Variants in HTT observed in about 807,000 individuals in gnomAD.
HTT encodes the protein huntingtin.
HTT carries 104 observed loss-of-function variants against 362.3 expected under a neutral mutation model. That is an observed-to-expected ratio of 0.29 (90% CI 0.24 to 0.34). HTT has a LOEUF of 0.34. Ranked by LOEUF, HTT falls within the 10% of genes least tolerant of loss-of-function variation. The pLI, the probability that HTT is intolerant of heterozygous loss-of-function variation, is 1.00. For missense variants in HTT, 3,301 were observed against 3,928.6 expected (o/e 0.84, Z 4.27); for synonymous variants, 1,577 against 1,548.7 (o/e 1.02, Z -0.43).
At position 3,243,534 on chromosome 4, in the gene HTT, A is replaced by G. The variant is rs1432500758; in HGVS notation, c.*3475A>G. Reference sequence around the variant, plus strand: ...GAGCTGCTCAGAATGCCGCATGACAACTGAAGGCAACCTGGAAGGTTCAGG... The same window carrying G: ...GAGCTGCTCAGAATGCCGCATGACAGCTGAAGGCAACCTGGAAGGTTCAGG... On this transcript the variant is annotated 3_prime_UTR_variant, in exon 67 of 67. Transcript: ENST00000355072. The G allele has an allele frequency of 1.3e-5, 2 of 152,280 alleles. No individual in the cohort carries two copies. Among genetic ancestry groups the G allele is most frequent in the Non-Finnish European group, 2.9e-5 (2 of 68,080 alleles). 9.4% of individuals were successfully genotyped at this position (152,280 alleles called of 1,614,324 possible). A position where few individuals can be genotyped will look rare whatever the true frequency, so the allele number is the denominator to read the frequency against.
chr4:3,123,125 G>A (rs1426289362), intron 10 of HTT, 189 bp downstream of exon 10: 9 of 415,914 alleles, frequency 2.2e-5, no homozygotes, highest in Non-Finnish European at 3.8e-5. Flanking sequence ...TTGTAGGGTG[G>A]CTTTTAAAAA....
intron 44 of HTT, 135 bp from the exon 45 acceptor site, chr4:3,207,146 C>A: frequency 9.7e-7 from 1 of 1,034,306 alleles, no homozygotes; most frequent in Non-Finnish European, 1.4e-6. Context: ...TCCGATCTGA[C>A]TGTTTCTTGT....
intron 6 of HTT, among the ~76,000 whole-genome samples, 184 bp from the exon 7 acceptor site, chr4:3,115,120 A>G (rs1419036): frequency 0.076 from 11,505 of 152,208 alleles, 869 homozygotes; most frequent in African/African-American, 0.19. Context: ...TAGACTACAC[A>G]TGTCTGTAAA....
In HTT at chr4:3,206,429, T is replaced by C; in HGVS notation, c.5719-67T>C. ...TCCTTCTTACCCTTTCTGGCCTTTC[T>C]ATGGCATTAATACCTGGTCTCTTCT... On this transcript the variant is annotated intron_variant, in intron 42 of 66. Transcript: ENST00000355072. The surrounding 1 kb of genome is among the most constrained non-coding windows in gnomAD (Gnocchi z 4.6). The C allele has an allele frequency of 7.8e-7, 1 of 1,274,658 alleles. No homozygotes were observed. Among genetic ancestry groups the C allele is most frequent in the Non-Finnish European group, 1.1e-6 (1 of 879,656 alleles). The allele number at this position is 1,274,658 out of a possible 1,614,324, so 79.0% of individuals were successfully genotyped here. A position where few individuals can be genotyped will look rare whatever the true frequency, so the allele number is the denominator to read the frequency against.
In HTT at chr4:3,218,780, A is replaced by G. The variant is rs138405263; in HGVS notation, c.7242+828A>G. Among the ~76,000 whole-genome samples, 209 of 152,294 alleles carry G rather than the reference A, an allele frequency of 1.4e-3. No homozygotes were observed. Among genetic ancestry groups the G allele is most frequent in the Non-Finnish European group, 2.5e-3 (167 of 68,016 alleles). On this transcript the variant is annotated intron_variant, in intron 52 of 66. Transcript: ENST00000355072. The surrounding 1 kb of genome is among the most constrained non-coding windows in gnomAD (Gnocchi z 4.4). ...TCTCCCACCAGCCCGCTGAAATAAG[A>G]TGATGGGGCCTGTTCCTTAGGGCCT...
intron 40 of HTT, among the ~76,000 whole-genome samples, chr4:3,189,415 G>A (rs568193514): frequency 6.6e-6 from 1 of 152,288 alleles, no homozygotes; most frequent in Admixed American, 6.5e-5. Flanking sequence ...AAAATCTGGT[G>A]TATATTTACA....
At chr4:3,111,923 A>G (rs183464302) in intron 6 of HTT, among the ~76,000 whole-genome samples, 227 of 152,300 alleles carry the variant, frequency 1.5e-3, no homozygotes, top group Middle Eastern at 3.4e-3. Context: ...TGTGGCTTCA[A>G]TAAGCTTGCT....
In HTT at chr4:3,132,851, G is replaced by A. The variant is rs760979498; in HGVS notation, c.2433G>A (p.Leu811=). ...CTTTGGCGGATTGCATTCCTTTGCT[G>A]CGGAAAACACTGAAGGATGAGTCTT... ...TFSLADCIPL[L]RKTLKDESSV... Residue 811 remains leucine (L), a synonymous_variant, in exon 18 of 67, where the codon CTG becomes CTA. Coordinates refer to ENST00000355072, the MANE Select transcript of HTT (RefSeq NM_001388492.1). 6.2e-7 allele frequency: 1 copy of A among 1,614,164 alleles called. No individual in the cohort carries two copies. Among genetic ancestry groups the A allele is most frequent in the Non-Finnish European group, 8.5e-7 (1 of 1,179,986 alleles).
rs755338707 is a variant in HTT at position 3,180,631 on chromosome 4, A to G, written c.4729A>G (p.Arg1577Gly). Residue 1577 changes from arginine (R) to glycine (G), a missense_variant, in exon 36 of 67, where the codon AGA (arginine) becomes GGA (glycine). Coordinates refer to ENST00000355072, the MANE Select transcript of HTT (RefSeq NM_001388492.1). ...AGAGGTGGTGGTGTCAATGTTACTG[A>G]GACTCATCCAGTACCATCAGGTAAG... ...QKEVVVSMLLRLIQYHQVLEM... is the reference protein window; with the variant it reads ...QKEVVVSMLLGLIQYHQVLEM... 2 of 1,613,386 alleles carry G rather than the reference A, an allele frequency of 1.2e-6. No homozygotes were observed. Among genetic ancestry groups the G allele is most frequent in the Non-Finnish European group, 1.7e-6 (2 of 1,179,676 alleles).
At chr4:3,095,955 G>C (rs896080119) in intron 2 of HTT, among the ~76,000 whole-genome samples, 1 of 152,218 alleles carries the variant, frequency 6.6e-6, no homozygotes. Flanking sequence ...GGAAAAGTAA[G>C]ACTCGGTATA....
intron 57 of HTT, among the ~76,000 whole-genome samples, chr4:3,227,827 C>A (rs924198046): frequency 1.6e-4 from 25 of 151,970 alleles, no homozygotes; most frequent in African/African-American, 5.6e-4. Flanking sequence ...GACAGTGCCA[C>A]CCCTGCCCTG....
chr4:3,112,967 T>C (rs1349368945), intron 6 of HTT: 4 of 842,870 alleles, frequency 4.7e-6, no homozygotes, highest in African/African-American at 3.7e-5. Context: ...AATCACATTA[T>C]GATTTTAATT....
intron 11 of HTT, among the ~76,000 whole-genome samples, chr4:3,126,592 T>G (rs1232517981): frequency 6.6e-6 from 1 of 152,166 alleles, no homozygotes; most frequent in East Asian, 1.9e-4. Context: ...TTACACAAAT[T>G]AAACAACAAT....
chr4:3,127,176 T>C, intron 11 of HTT, 88 bp from the exon 12 acceptor site: 1 of 924,076 alleles, frequency 1.1e-6, no homozygotes, highest in Non-Finnish European at 1.7e-6. Context: ...TTGATAACGG[T>C]GGAACTGTTC....
chr4:3,083,406 A>G (rs1713017053), intron 1 of HTT, among the ~76,000 whole-genome samples: 1 of 151,950 alleles, frequency 6.6e-6, no homozygotes, highest in African/African-American at 2.4e-5. Context: ...CTGTAGTCCC[A>G]GCTACTCAGG....
At chr4:3,078,762 T>A (rs942647693) in intron 1 of HTT, among the ~76,000 whole-genome samples, 7 of 147,304 alleles carry the variant, frequency 4.8e-5, no homozygotes, top group Admixed American at 2.1e-4. Context: ...CGAGACGGAG[T>A]CTTGCTCTGT....
At chr4:3,230,831 C>T (rs1302189784) in intron 60 of HTT, among the ~76,000 whole-genome samples, 2 of 152,114 alleles carry the variant, frequency 1.3e-5, no homozygotes, top group Non-Finnish European at 2.9e-5. Flanking sequence ...TCCCAAGGCC[C>T]CACCTTCTTG....
intron 26 of HTT, among the ~76,000 whole-genome samples, chr4:3,149,478 T>C (rs989023116): frequency 1.3e-5 from 2 of 152,016 alleles, no homozygotes; most frequent in African/African-American, 4.8e-5. Flanking sequence ...GCTAATTTTT[T>C]TGTAGTTTTA....
chr4:3,214,259 A>C lies in HTT; in HGVS notation c.6952+124A>C, dbSNP rs568954849. 7.8e-6 allele frequency: 5 copies of C among 643,160 alleles called. No homozygotes were observed. In the South Asian group the frequency reaches 2.4e-4, roughly 31 times the overall value. The allele number at this position is 643,160 out of a possible 1,614,324, so 39.8% of individuals were successfully genotyped here. A position where few individuals can be genotyped will look rare whatever the true frequency, so the allele number is the denominator to read the frequency against. ...GAATTGGGGATGGAGAGGTAGATAA[A>C]ATATGCATCAGGAAGGGCTGGGCCC... On this transcript the variant is annotated intron_variant, in intron 50 of 66. Coordinates refer to ENST00000355072, the MANE Select transcript of HTT (RefSeq NM_001388492.1).
Sources: allele counts gnomAD v4.1 joint callset (sites outside exome capture counted in the v4.1 genomes callset), GRCh38; gene constraint gnomAD v4.1.1; non-coding constraint Gnocchi (gnomAD v3.1); transcripts MANE v1.5; gene names NCBI Gene and HGNC (gene_info 2026-07-23, HGNC 2026-07-21).